DNAH6: variants seen among roughly 807,000 people sequenced by gnomAD.
The protein encoded by DNAH6 is axonemal beta dynein heavy chain 6.
A neutral mutation model predicts 491.4 loss-of-function variants in DNAH6; 340 were observed. The observed-to-expected ratio is 0.69, with a 90% CI of 0.63 to 0.76. DNAH6 has a LOEUF of 0.76. DNAH6 is among the 30% of genes least tolerant of loss of function. The pLI is 0.00. For synonymous variants in DNAH6, 1,603 were observed against 1,686.1 expected, an observed-to-expected ratio of 0.95 and a Z score of 1.21; for missense variants, 4,443 against 4,972.2, an observed-to-expected ratio of 0.89 and a Z score of 3.20.
chr2:84,710,154 G>T, intron 55 of DNAH6, 133 bp from the exon 56 acceptor site: 2 of 1,151,762 alleles, frequency 1.7e-6, no homozygotes, highest in Non-Finnish European at 2.4e-6. Flanking sequence ...CGGGGGACAG[G>T]GGAGTACAGT....
chr2:84,660,071 G>A (rs1691351528), intron 37 of DNAH6, among the ~76,000 whole-genome samples: 1 of 152,032 alleles, frequency 6.6e-6, no homozygotes, highest in African/African-American at 2.4e-5. Context: ...TAGACACAAA[G>A]ACACCTTGAT....
At chr2:84,509,475 C>T in the DNAH6 span, among the ~76,000 whole-genome samples, 5 of 152,278 alleles carry the variant, frequency 3.3e-5, no homozygotes, top group South Asian at 4.2e-4. Context: ...TGTCTCTTCA[C>T]GTGAGATGGG....
chr2:84,752,227 A>T (rs1341149340), intron 63 of DNAH6, among the ~76,000 whole-genome samples: 1 of 152,226 alleles, frequency 6.6e-6, no homozygotes, highest in Non-Finnish European at 1.5e-5. Context: ...ATGCAGTGTT[A>T]AGTCCTTATT....
chr2:84,663,290 C>T (rs907124779), intron 37 of DNAH6, among the ~76,000 whole-genome samples: 4 of 152,150 alleles, frequency 2.6e-5, no homozygotes, highest in Non-Finnish European at 5.9e-5. Context: ...TAATAACAAA[C>T]TCCTCCGAGC....
At chr2:84,818,846 A>T (rs749336898) in intron 76 of DNAH6, among the ~76,000 whole-genome samples, 8 of 152,174 alleles carry the variant, frequency 5.3e-5, no homozygotes, top group Non-Finnish European at 2.9e-5. Flanking sequence ...GGCCAAGGCA[A>T]GCGGATCATT....
intron 11 of DNAH6, among the ~76,000 whole-genome samples, chr2:84,558,422 TAA>T (rs78113898): frequency 3.7e-4 from 40 of 108,862 alleles, no homozygotes; most frequent in Non-Finnish European, 4.1e-4. Flanking sequence ...AGACTCCATC[TAA>T]AAAAAAAAAA....
intron 65 of DNAH6, among the ~76,000 whole-genome samples, chr2:84,783,280 C>G (rs1676862415): frequency 6.6e-6 from 1 of 152,168 alleles, no homozygotes; most frequent in African/African-American, 2.4e-5. Context: ...ATGACATCAT[C>G]ATGAAAAGTC....
chr2:84,670,585 T>A (rs138872568), intron 39 of DNAH6, 110 bp downstream of exon 39: 17 of 830,514 alleles, frequency 2.0e-5, no homozygotes, highest in Non-Finnish European at 3.2e-5. Context: ...TTGCTTAATT[T>A]ACTTGTAAAG....
Position 84,630,344 on chromosome 2 carries a change from A to G in DNAH6, c.4516-4160A>G, listed in dbSNP as rs528689282. ...CACAACTTTGACAATCAAAAAATAC[A>G]TATCTCCTGTTATGATATACAAGCT... is the stretch of plus-strand genomic sequence containing the variant. On this transcript the variant is annotated intron_variant, in intron 29 of 76. Coordinates refer to ENST00000389394, the MANE Select transcript of DNAH6 (RefSeq NM_001370.2). Among the ~76,000 whole-genome samples the G allele has an allele frequency of 6.6e-5, 10 of 152,332 alleles. No individual in the cohort carries two copies. In the East Asian group the frequency reaches 1.3e-3, roughly 21 times the overall value.
chr2:84,635,021 T>G (rs1427127480), intron 30 of DNAH6, among the ~76,000 whole-genome samples: 5 of 152,050 alleles, frequency 3.3e-5, no homozygotes, highest in Non-Finnish European at 7.4e-5. Flanking sequence ...ACAGCACTGC[T>G]CCAAGCCCTG....
chr2:84,574,340 GTTAAA>G (rs1262725270), intron 12 of DNAH6, among the ~76,000 whole-genome samples: 7 of 151,746 alleles, frequency 4.6e-5, no homozygotes, highest in African/African-American at 1.7e-4. Context: ...GTATTCTTAA[GTTAAA>G]TAATTCAATA....
At chr2:84,733,634 T>C in intron 62 of DNAH6, 55 bp downstream of exon 62, 31 of 1,461,474 alleles carry the variant, frequency 2.1e-5, no homozygotes, top group Non-Finnish European at 2.9e-5. Context: ...TCTTGAATCC[T>C]AATCTTAATG....
the DNAH6 span, among the ~76,000 whole-genome samples, chr2:84,461,108 A>T: frequency 1.3e-5 from 2 of 152,348 alleles, no homozygotes; most frequent in African/African-American, 2.4e-5. Flanking sequence ...ACCTAAACCC[A>T]TGTAGATTAA....
chr2:84,642,430 A>C (rs72922758), intron 33 of DNAH6, among the ~76,000 whole-genome samples: 10,873 of 152,134 alleles, frequency 0.071, 420 homozygotes, highest in Middle Eastern at 0.15. Flanking sequence ...CACGTTATAC[A>C]TGTATATAGT....
chr2:84,756,238 G>A (rs551605374), intron 63 of DNAH6, among the ~76,000 whole-genome samples: 1 of 152,272 alleles, frequency 6.6e-6, no homozygotes, highest in African/African-American at 2.4e-5. Flanking sequence ...AGTGAAGGAA[G>A]ACAGAAAAAT....
chr2:84,614,496 G>A (rs7587820), intron 22 of DNAH6, among the ~76,000 whole-genome samples: 21,003 of 152,020 alleles, frequency 0.14, 2,246 homozygotes, highest in African/African-American at 0.3. Context: ...TATAAACTAC[G>A]TGTGCAAGAA....
chr2:84,762,744 TCAAC>T lies in DNAH6; in HGVS notation c.10513-10_10513-7del, dbSNP rs1241218171. The T allele has an allele frequency of 3.3e-6, 5 of 1,533,590 alleles. No homozygotes were observed. The Admixed American group carries it at 6.4e-5, about 20-fold the overall frequency. 95.0% of individuals were successfully genotyped at this position (1,533,590 alleles called of 1,614,324 possible). On this transcript the variant is annotated splice_region_variant and splice_polypyrimidine_tract_variant and intron_variant, in intron 63 of 76. Coordinates refer to ENST00000389394, the MANE Select transcript of DNAH6 (RefSeq NM_001370.2). ...CATTCAACATACTTTTTTTTTCTTT[TCAAC>T]TTTCAGGTGGTTTTTGCTCTTACAG... is the stretch of plus-strand genomic sequence containing the variant.
chr2:84,768,300 T>G (rs2105162423), intron 64 of DNAH6, among the ~76,000 whole-genome samples: 1 of 152,120 alleles, frequency 6.6e-6, no homozygotes, highest in East Asian at 1.9e-4. Context: ...GACCAAAAGT[T>G]GACTTTTTAA....
At chr2:84,698,590 C>A (rs922020501) in intron 47 of DNAH6, among the ~76,000 whole-genome samples, 5 of 152,240 alleles carry the variant, frequency 3.3e-5, no homozygotes, top group African/African-American at 1.2e-4. Flanking sequence ...CATCAGGAAG[C>A]AGCTGAAATC....
Sources: gnomAD v4.1 joint callset for allele counts (sites outside exome capture counted in the v4.1 genomes callset) on GRCh38, gnomAD v4.1.1 for gene constraint, MANE v1.5 for transcripts, NCBI Gene and HGNC (gene_info 2026-07-23, HGNC 2026-07-21) for gene names.